Variants in TPR observed in about 807,000 individuals in gnomAD.
TPR encodes nucleoprotein TPR.
A neutral mutation model predicts 316.1 loss-of-function variants in TPR; 51 were observed. That is an observed-to-expected ratio of 0.16 (90% CI 0.13 to 0.20). The LOEUF is 0.20. Ranked by LOEUF, TPR falls within the 10% of genes least tolerant of loss-of-function variation. TPR has a pLI of 1.00. For synonymous variants in TPR, 981 were observed against 914.7 expected, an observed-to-expected ratio of 1.07 and a Z score of -1.31; for missense variants, 2,272 against 2,754.8, an observed-to-expected ratio of 0.82 and a Z score of 3.92.
intron 4 of TPR, among the ~76,000 whole-genome samples, chr1:186,367,123 G>C (rs1266062042): frequency 7.4e-6 from 1 of 135,476 alleles, no homozygotes; most frequent in Non-Finnish European, 1.5e-5. Context: ...CTGGAGTGCA[G>C]TGACGCAATC....
chr1:186,358,412 G>C, intron 13 of TPR, 131 bp downstream of exon 13: 1 of 625,274 alleles, frequency 1.6e-6, no homozygotes, highest in Non-Finnish European at 2.6e-6. Context: ...GTGCAACTCT[G>C]CTCGAGTACT....
At chr1:186,364,272 C>T (rs116377675) in intron 4 of TPR, among the ~76,000 whole-genome samples, 2,013 of 151,690 alleles carry the variant, frequency 0.013, 39 homozygotes, top group African/African-American at 0.046. Flanking sequence ...GGAAATATCA[C>T]GACAATATTT....
rs754385580 is a variant in TPR, at chr1:186,312,222, T to C, written c.*1749A>G. ...TTATAAACAGGAACCTGTACAGAAG[T>C]GCCCTGGAAGAAGGCCTGCTCTAAA... On this transcript the variant is annotated 3_prime_UTR_variant, in exon 51 of 51. Transcript: ENST00000367478. 4 of 1,614,046 alleles carry C rather than the reference T, an allele frequency of 2.5e-6. No individual in the cohort carries two copies. The Admixed American group carries it at 6.7e-5, about 27-fold the overall frequency.
At chr1:186,371,983 G>C (rs887133270) in intron 2 of TPR, among the ~76,000 whole-genome samples, 1 of 151,792 alleles carries the variant, frequency 6.6e-6, no homozygotes, top group Non-Finnish European at 1.5e-5. Context: ...CAAATTCCTC[G>C]GCACTACTAC....
Position 186,374,902 on chromosome 1 carries a change from G to T in TPR, c.127C>A (p.His43Asn), listed in dbSNP as rs1448999905. ...QSEIDGLKGR[H>N]EKFKVESEQQ... ...CCGCTCTCCACCTTAAATTTCTCAT[G>T]CCGCCCCTTCAGGCCATCGATCTCG... The change falls in exon 1 of 51, where the codon CAT (histidine) becomes AAT (asparagine). Residue 43 changes from histidine to asparagine, a missense_variant. This residue lies in a region of TPR where 549 missense variants were observed against 598.6 expected (regional missense o/e 0.92). Coordinates refer to ENST00000367478, the MANE Select transcript of TPR (RefSeq NM_003292.3). The T allele has an allele frequency of 6.3e-7, 1 of 1,598,758 alleles. No homozygotes were observed. Among genetic ancestry groups the T allele is most frequent in the Admixed American group, 1.7e-5 (1 of 59,676 alleles).
intron 42 of TPR, 39 bp downstream of exon 42, chr1:186,325,725 A>C: frequency 1.3e-6 from 2 of 1,513,316 alleles, no homozygotes; most frequent in Non-Finnish European, 1.8e-6. Context: ...AGAAAATACC[A>C]GAGATATTCA....
intron 3 of TPR, among the ~76,000 whole-genome samples, chr1:186,370,170 T>A (rs1351544540): frequency 6.6e-6 from 1 of 152,182 alleles, no homozygotes; most frequent in African/African-American, 2.4e-5. Context: ...GATACTTCCT[T>A]TTTTTAGAAG....
chr1:186,372,054 A>T (rs1464325902), intron 2 of TPR, among the ~76,000 whole-genome samples: 1 of 152,228 alleles, frequency 6.6e-6, no homozygotes, highest in Non-Finnish European at 1.5e-5. Context: ...AGATCTAGCT[A>T]TATATGCTCC....
chr1:186,374,818 C>T lies in TPR; in HGVS notation c.151+60G>A, dbSNP rs577955240. On this transcript the variant is annotated intron_variant, in intron 1 of 50. Transcript: ENST00000367478. ...CCAGTGCCAACTTGATGGGGGAAGACCAGACCCAAAGGGCGGGAGTCGAGC... is the reference window on the plus strand; with the variant it reads ...CCAGTGCCAACTTGATGGGGGAAGATCAGACCCAAAGGGCGGGAGTCGAGC... 80 of 1,541,398 alleles carry T rather than the reference C, an allele frequency of 5.2e-5. 2 individuals are homozygous for T. The South Asian group carries it at 8.8e-4, about 17-fold the overall frequency.
At chr1:186,361,183 C>G (rs2026189) in intron 9 of TPR, among the ~76,000 whole-genome samples, 58,953 of 151,636 alleles carry the variant, frequency 0.39, 12,165 homozygotes, top group East Asian at 0.53. Context: ...CGATTTTGAT[C>G]TTTAATCCTA....
At chr1:186,365,340 C>A (rs1489997960) in intron 4 of TPR, among the ~76,000 whole-genome samples, 6 of 152,108 alleles carry the variant, frequency 3.9e-5, no homozygotes, top group Admixed American at 3.3e-4. Context: ...AGGTGATCTA[C>A]CTGCCTCGGC....
Position 186,362,319 on chromosome 1 carries a change from T to A in TPR, c.758A>T (p.His253Leu). The change falls in exon 7 of 51, where the codon CAT (histidine) becomes CTT (leucine). Residue 253 changes from histidine to leucine, a missense_variant. His to Leu is a moderately conservative substitution (Grantham distance 99, BLOSUM62 -3). Transcript: ENST00000367478. Reference protein sequence around the residue: ...LKTSNEHLQKHVEDLLTKLKE... With the variant: ...LKTSNEHLQKLVEDLLTKLKE... ...TAATTTGGTCAACAGATCCTCCACA[T>A]GCTTTTGAAGATGTTCATTTGATGT... 6.2e-7 allele frequency: 1 copy of A among 1,612,544 alleles called. No individual in the cohort carries two copies.
At chr1:186,344,668 AAAT>A in intron 24 of TPR, 90 bp from the exon 25 acceptor site, 1 of 972,946 alleles carries the variant, frequency 1.0e-6, no homozygotes, top group Non-Finnish European at 1.4e-6. Context: ...TGGACTTTTT[AAAT>A]AATAAAAGTA....
intron 43 of TPR, chr1:186,322,811 C>A (rs1405404235): frequency 2.6e-6 from 1 of 385,140 alleles, no homozygotes; most frequent in Non-Finnish European, 5.0e-6. Flanking sequence ...TATTAACCAA[C>A]AGACCAATTA....
At chr1:186,358,887 G>T (rs145004410) in intron 12 of TPR, among the ~76,000 whole-genome samples, 50 of 152,200 alleles carry the variant, frequency 3.3e-4, no homozygotes, top group African/African-American at 1.0e-3. Flanking sequence ...AAAAATTCAA[G>T]GAAGATCTAA....
At chr1:186,356,597 G>T in intron 14 of TPR, 148 bp from the exon 15 acceptor site, 1 of 713,176 alleles carries the variant, frequency 1.4e-6, no homozygotes, top group South Asian at 2.4e-5. Flanking sequence ...AGTATTTTAT[G>T]AACTACTTTT....
Position 186,374,930 on chromosome 1 carries a change from T to C in TPR, c.99A>G (p.Gln33=), listed in dbSNP as rs1372786450. Residue 33 remains glutamine, a synonymous_variant, in exon 1 of 51, where the codon CAA becomes CAG. Transcript: ENST00000367478. ...GCCCCTTCAGGCCATCGATCTCGGA[T>C]TGCTGATCAGCAAGGAACTTTTCAA... is the stretch of plus-strand genomic sequence containing the variant. The part of the protein sequence containing the change: ...NKLEKFLADQ[Q]SEIDGLKGRH... 2.5e-6 allele frequency: 4 copies of C among 1,607,228 alleles called. No homozygotes were observed. Among genetic ancestry groups the C allele is most frequent in the African/African-American group, 1.3e-5 (1 of 74,766 alleles).
intron 19 of TPR, 51 bp downstream of exon 19, chr1:186,351,925 C>T (rs373645699): frequency 6.5e-7 from 1 of 1,539,132 alleles, no homozygotes; most frequent in Non-Finnish European, 8.7e-7. Context: ...TAAAAAAAAT[C>T]TAAATTTAAC....
At chr1:186,348,287 A>G (rs1658744650) in intron 21 of TPR, among the ~76,000 whole-genome samples, 2 of 152,170 alleles carry the variant, frequency 1.3e-5, no homozygotes, top group African/African-American at 4.8e-5. Context: ...TGTCTTGTGC[A>G]GTTGAGATAA....
Sources: gnomAD v4.1 joint callset for allele counts (sites outside exome capture counted in the v4.1 genomes callset) on GRCh38, gnomAD v4.1.1 for gene constraint, gnomAD v4.1.1 regional missense constraint, MANE v1.5 for transcripts, NCBI Gene and HGNC (gene_info 2026-07-23, HGNC 2026-07-21) for gene names.